Variants in GASK1B observed in about 807,000 individuals in gnomAD.
The protein encoded by GASK1B is golgi associated kinase 1B.
A neutral mutation model predicts 42.8 loss-of-function variants in GASK1B; 34 were observed. The observed-to-expected ratio is 0.79, with a 90% CI of 0.60 to 1.06. The LOEUF (loss-of-function observed/expected upper bound fraction) is 1.06. Ranked by LOEUF, GASK1B falls within the 50% of genes least tolerant of loss-of-function variation. The probability of loss-of-function intolerance (pLI) is 0.00; values close to 1 mark genes in which losing one functional copy is unlikely to be tolerated. For missense variants in GASK1B, 686 were observed against 661.0 expected, an observed-to-expected ratio of 1.04 and a Z score of -0.42; for synonymous variants, 262 against 259.1, an observed-to-expected ratio of 1.01 and a Z score of -0.11.
chr4:158,130,736 A>G (rs1730643041), intron 4 of GASK1B, 50 bp downstream of exon 4: 1 of 1,363,516 alleles, frequency 7.3e-7, no homozygotes, highest in South Asian at 1.2e-5. Flanking sequence ...GAACCTTGCT[A>G]CTTATCTAAC....
At position 158,163,809 on chromosome 4, in the gene GASK1B, G is replaced by A. The variant is rs967433292; in HGVS notation, c.910+6657C>T. On this transcript the variant is annotated intron_variant, in intron 2 of 4. Transcript: ENST00000585682. ...CACCTGCAAGGAGTCTACATTGCCC[G>A]TCCACACCCCCAAACACAAAGCTAT... 5.3e-5 allele frequency among the ~76,000 whole-genome samples: 8 copies of A among 152,188 alleles called. No individual in the cohort carries two copies. In the East Asian group the frequency reaches 1.2e-3, roughly 22 times the overall value.
chr4:158,151,538 T>C (rs1485185343), intron 3 of GASK1B, among the ~76,000 whole-genome samples: 13 of 152,156 alleles, frequency 8.5e-5, no homozygotes, highest in Admixed American at 7.9e-4. Flanking sequence ...ATGAGTATGA[T>C]TATTGCAGGA....
Position 158,127,555 on chromosome 4 carries a change from T to G in GASK1B, c.1412A>C (p.Gln471Pro). The G allele has an allele frequency of 6.2e-7, 1 of 1,613,718 alleles. No individual in the cohort carries two copies. Among genetic ancestry groups the G allele is most frequent in the African/African-American group, 1.3e-5 (1 of 75,018 alleles). ...KSQHLRQKLL[Q>P]SLFLDKVYWE... ...ATACACTTTATCAAGAAACAGAGAC[T>G]GAAGAAGTTTCTGCCGTAAGTGCTG... is the stretch of plus-strand genomic sequence containing the variant. Residue 471 changes from glutamine to proline, a missense_variant, in exon 5 of 5, where the codon CAG (glutamine) becomes CCG (proline). Transcript: ENST00000585682.
intron 4 of GASK1B, among the ~76,000 whole-genome samples, chr4:158,129,365 A>T (rs534661009): frequency 6.6e-6 from 1 of 152,248 alleles, no homozygotes; most frequent in Non-Finnish European, 1.5e-5. Context: ...CGATACATAA[A>T]ATTTCCTTAG....
intron 4 of GASK1B, among the ~76,000 whole-genome samples, chr4:158,128,694 G>A (rs955209951): frequency 1.3e-5 from 2 of 152,156 alleles, no homozygotes; most frequent in Admixed American, 1.3e-4. Context: ...GAGGGTGCCC[G>A]AAAGCCAAGG....
intron 3 of GASK1B, among the ~76,000 whole-genome samples, chr4:158,143,736 G>T (rs937543870): frequency 6.6e-6 from 1 of 152,098 alleles, no homozygotes; most frequent in African/African-American, 2.4e-5. Context: ...ATGACAAATT[G>T]TTGGGTGATG....
chr4:158,163,547 C>T (rs1200017723), intron 2 of GASK1B, among the ~76,000 whole-genome samples: 6 of 145,874 alleles, frequency 4.1e-5, no homozygotes, highest in South Asian at 4.3e-4. Context: ...CCAGCCTGGA[C>T]GACAGAGCAA....
At chr4:158,161,504 C>T (rs1436376803) in intron 2 of GASK1B, among the ~76,000 whole-genome samples, 2 of 152,158 alleles carry the variant, frequency 1.3e-5, no homozygotes, top group Non-Finnish European at 2.9e-5. Context: ...CATTCATCAC[C>T]AACTACCTAA....
intron 2 of GASK1B, among the ~76,000 whole-genome samples, chr4:158,157,184 C>T (rs987904223): frequency 6.6e-6 from 1 of 152,020 alleles, no homozygotes; most frequent in Admixed American, 6.6e-5. Context: ...AATCTTTCTC[C>T]CTTTAGCCTT....
intron 2 of GASK1B, among the ~76,000 whole-genome samples, chr4:158,160,336 T>C (rs763430229): frequency 6.6e-6 from 1 of 152,144 alleles, no homozygotes; most frequent in African/African-American, 2.4e-5. Flanking sequence ...GGCATAGATT[T>C]TATATGGCCA....
intron 2 of GASK1B, 151 bp from the exon 3 acceptor site, chr4:158,155,976 G>A (rs1731745069): frequency 7.6e-6 from 5 of 660,372 alleles, no homozygotes; most frequent in Admixed American, 2.9e-5. Flanking sequence ...TTGTCTTCTG[G>A]TTTTAATACT....
At chr4:158,129,263 C>T (rs1041976731) in intron 4 of GASK1B, among the ~76,000 whole-genome samples, 1 of 152,158 alleles carries the variant, frequency 6.6e-6, no homozygotes, top group Non-Finnish European at 1.5e-5. Flanking sequence ...CTGTATTCTT[C>T]AGGCACTCCT....
At chr4:158,170,179 G>A in intron 2 of GASK1B, 1 of 1,550,810 alleles carries the variant, frequency 6.4e-7, no homozygotes, top group Non-Finnish European at 8.8e-7. Context: ...GCTTTAATTA[G>A]ATTTAATAAG....
intron 1 of GASK1B, chr4:158,172,103 T>C (rs1338946552): frequency 6.6e-6 from 1 of 152,180 alleles, no homozygotes; most frequent in African/African-American, 2.4e-5. Flanking sequence ...GTTAGTATAA[T>C]ACAAAGCCAT....
At chr4:158,161,328 C>T (rs1731994400) in intron 2 of GASK1B, among the ~76,000 whole-genome samples, 1 of 151,920 alleles carries the variant, frequency 6.6e-6, no homozygotes, top group African/African-American at 2.4e-5. Context: ...AGAAACAGGT[C>T]TCTGCGTGAT....
chr4:158,129,756 G>A (rs549643187), intron 4 of GASK1B, among the ~76,000 whole-genome samples: 1 of 152,208 alleles, frequency 6.6e-6, no homozygotes, highest in African/African-American at 2.4e-5. Context: ...GCTTCACACA[G>A]CTGGTTACCT....
intron 3 of GASK1B, among the ~76,000 whole-genome samples, chr4:158,148,657 T>C (rs1451454730): frequency 6.6e-6 from 1 of 152,186 alleles, no homozygotes; most frequent in African/African-American, 2.4e-5. Context: ...GAGTAAATTC[T>C]AGTAAAGTCT....
At chr4:158,131,824 T>C (rs1475048583) in intron 3 of GASK1B, among the ~76,000 whole-genome samples, 1 of 151,228 alleles carries the variant, frequency 6.6e-6, no homozygotes, top group Non-Finnish European at 1.5e-5. Flanking sequence ...GTAGATTCCT[T>C]TCCATCACCG....
At chr4:158,167,512 C>T (rs1443241914) in intron 2 of GASK1B, among the ~76,000 whole-genome samples, 1 of 152,160 alleles carries the variant, frequency 6.6e-6, no homozygotes, top group Non-Finnish European at 1.5e-5. Flanking sequence ...AAGCTGGTGG[C>T]TTCCAGTATA....
Sources: gnomAD v4.1 joint callset for allele counts (sites outside exome capture counted in the v4.1 genomes callset) on GRCh38, gnomAD v4.1.1 for gene constraint, MANE v1.5 for transcripts, NCBI Gene and HGNC (gene_info 2026-07-23, HGNC 2026-07-21) for gene names.